NDST3: variants seen among roughly 807,000 people sequenced by gnomAD.
NDST3 encodes the protein N-deacetylase and N-sulfotransferase 3, also known as bifunctional heparan sulfate N-deacetylase/N-sulfotransferase 3.
In NDST3, 58 loss-of-function variants were observed where a neutral mutation model predicts 96.1. That is an observed-to-expected ratio of 0.60 (90% CI 0.49 to 0.75). NDST3 has a LOEUF of 0.75. NDST3 is among the 30% of genes least tolerant of loss of function. NDST3 has a pLI of 0.00. For synonymous variants in NDST3, 333 were observed against 359.7 expected (o/e 0.93, Z 0.84); for missense variants, 788 against 1,034.2 (o/e 0.76, Z 3.27).
chr4:118,162,994 GA>G (rs1312327389), intron 6 of NDST3, among the ~76,000 whole-genome samples: 2 of 150,634 alleles, frequency 1.3e-5, no homozygotes, highest in Non-Finnish European at 3.0e-5. Flanking sequence ...AAAAACACAT[GA>G]AAAAATGCTC....
chr4:118,141,582 G>A (rs562666776), intron 5 of NDST3, among the ~76,000 whole-genome samples: 8 of 152,114 alleles, frequency 5.3e-5, no homozygotes, highest in African/African-American at 1.2e-4. Context: ...TTCTCTCTTC[G>A]TTTTGCACAG....
intron 10 of NDST3, among the ~76,000 whole-genome samples, chr4:118,237,809 T>G (rs2126003808): frequency 6.6e-6 from 1 of 152,210 alleles, no homozygotes; most frequent in South Asian, 2.1e-4. Flanking sequence ...GCAAAACTAA[T>G]ATATATAAGA....
chr4:118,142,315 A>T (rs1733629227), intron 5 of NDST3, among the ~76,000 whole-genome samples: 1 of 152,008 alleles, frequency 6.6e-6, no homozygotes, highest in Non-Finnish European at 1.5e-5. Flanking sequence ...GTTTTTATTT[A>T]TGCAGATATA....
rs1002647968 is a variant in NDST3 at position 118,155,622 on chromosome 4, G to A, written c.1539+11938G>A. On this transcript the variant is annotated intron_variant, in intron 6 of 13. Transcript: ENST00000296499. ...TCTTTGGTTCCTATTTAGAAGCTGG[G>A]TGATGTTTTGGGGGCCAGAAATATG... Among the ~76,000 whole-genome samples, 4 of 152,136 alleles carry A rather than the reference G, an allele frequency of 2.6e-5. No homozygotes were observed. The South Asian group carries it at 8.3e-4, about 32-fold the overall frequency.
Position 118,253,492 on chromosome 4 carries a change from T to A in NDST3, c.2400-7T>A, listed in dbSNP as rs781296407. Reference sequence around the variant, plus strand: ...GGTTTTTCTGTGTGTATTCTTTTTTTTTTTAGGTTTGATTCTCATAAAGGT... The same window carrying A: ...GGTTTTTCTGTGTGTATTCTTTTTTATTTTAGGTTTGATTCTCATAAAGGT... On this transcript the variant is annotated splice_region_variant and splice_polypyrimidine_tract_variant and intron_variant, in intron 12 of 13. Transcript: ENST00000296499. The A allele has an allele frequency of 1.9e-6, 3 of 1,583,682 alleles. 1 individual carries two copies. The highest frequency in any genetic ancestry group is 3.5e-4 in the Middle Eastern group (2 of 5,736).
At chr4:118,136,284 C>T (rs1560669395) in intron 4 of NDST3, among the ~76,000 whole-genome samples, 1 of 152,138 alleles carries the variant, frequency 6.6e-6, no homozygotes, top group Non-Finnish European at 1.5e-5. Flanking sequence ...TATTTAACAA[C>T]CACCAGAAAT....
chr4:118,240,236 A>T (rs1272300177), intron 10 of NDST3, among the ~76,000 whole-genome samples: 1 of 152,022 alleles, frequency 6.6e-6, no homozygotes, highest in Non-Finnish European at 1.5e-5. Context: ...CTTTCACAAT[A>T]AAATACATAC....
intron 6 of NDST3, among the ~76,000 whole-genome samples, chr4:118,221,569 G>T (rs1448175548): frequency 6.6e-6 from 1 of 151,898 alleles, no homozygotes; most frequent in East Asian, 1.9e-4. Flanking sequence ...GAGCTTAGTG[G>T]ATTCACAGGG....
At chr4:118,172,275 T>C (rs1298475465) in intron 6 of NDST3, among the ~76,000 whole-genome samples, 1 of 152,192 alleles carries the variant, frequency 6.6e-6, no homozygotes, top group Non-Finnish European at 1.5e-5. Flanking sequence ...GTTTTCCAAC[T>C]TGGCAACAGC....
chr4:118,053,587 C>T (rs1024887517), intron 1 of NDST3, among the ~76,000 whole-genome samples, 169 bp from the exon 2 acceptor site: 15 of 151,854 alleles, frequency 9.9e-5, no homozygotes, highest in African/African-American at 3.6e-4. Context: ...CTCTTTCTAC[C>T]AGTCCCATGT....
At chr4:118,229,403 T>C (rs976415228) in intron 8 of NDST3, among the ~76,000 whole-genome samples, 4 of 152,200 alleles carry the variant, frequency 2.6e-5, no homozygotes, top group Admixed American at 6.5e-5. Flanking sequence ...AAACCGAAGA[T>C]TTACAGATGG....
intron 2 of NDST3, among the ~76,000 whole-genome samples, chr4:118,058,634 TGCGCGCGCGC>T (rs72236505): frequency 0.051 from 588 of 11,556 alleles, 1 homozygote; most frequent in Middle Eastern, 0.25. Context: ...TGTGTGTGTG[TGCGCGCGCGC>T]GCACGCATGC....
intron 2 of NDST3, among the ~76,000 whole-genome samples, chr4:118,084,561 CA>C (rs1472573743): frequency 6.6e-6 from 1 of 152,096 alleles, no homozygotes; most frequent in African/African-American, 2.4e-5. Flanking sequence ...TTGAGAAATG[CA>C]AGCATGACCT....
intron 6 of NDST3, chr4:118,193,578 T>A: frequency 8.9e-7 from 1 of 1,123,476 alleles, no homozygotes; most frequent in Non-Finnish European, 1.4e-6. Flanking sequence ...GCAAGCTGCC[T>A]GCAGATCTGC....
At chr4:118,055,014 T>A (rs759231512) in intron 2 of NDST3, 123 bp downstream of exon 2, 2 of 1,181,212 alleles carry the variant, frequency 1.7e-6, no homozygotes, top group Non-Finnish European at 2.5e-6. Flanking sequence ...GTCTGGGCAA[T>A]CTAGGATTAT....
intron 6 of NDST3, among the ~76,000 whole-genome samples, chr4:118,186,611 C>T (rs1578784938): frequency 6.6e-6 from 1 of 152,212 alleles, no homozygotes; most frequent in Non-Finnish European, 1.5e-5. Context: ...TGTGCCCACT[C>T]AGATTAAAGT....
At chr4:118,057,395 T>A (rs1725514884) in intron 2 of NDST3, among the ~76,000 whole-genome samples, 1 of 152,008 alleles carries the variant, frequency 6.6e-6, no homozygotes, top group African/African-American at 2.4e-5. Flanking sequence ...GAAATACAGA[T>A]TTCAAATTCA....
chr4:118,249,952 C>T (rs891579199), intron 12 of NDST3, among the ~76,000 whole-genome samples: 5 of 152,262 alleles, frequency 3.3e-5, no homozygotes, highest in African/African-American at 1.2e-4. Flanking sequence ...TTCTACTCAC[C>T]TTGACCCCTA....
chr4:118,086,401 T>G (rs1728419693), intron 2 of NDST3, among the ~76,000 whole-genome samples: 1 of 152,162 alleles, frequency 6.6e-6, no homozygotes, highest in African/African-American at 2.4e-5. Flanking sequence ...CCTAGAAACC[T>G]TCAATTTAAT....
Sources: gnomAD v4.1 joint callset for allele counts (sites outside exome capture counted in the v4.1 genomes callset) on GRCh38, gnomAD v4.1.1 for gene constraint, MANE v1.5 for transcripts, NCBI Gene and HGNC (gene_info 2026-07-23, HGNC 2026-07-21) for gene names.